Variants in TGFBR3 observed in about 807,000 individuals in gnomAD.
TGFBR3 encodes the protein transforming growth factor beta receptor type 3.
A neutral mutation model predicts 87.9 loss-of-function variants in TGFBR3; 46 were observed. The observed-to-expected ratio is 0.52, with a 90% CI of 0.41 to 0.67. TGFBR3 has a LOEUF of 0.67. Among genes scored for constraint, TGFBR3 ranks in the 30% least tolerant of loss-of-function variants. The probability of loss-of-function intolerance (pLI) is 0.00; values close to 1 mark genes in which losing one functional copy is unlikely to be tolerated. For missense variants in TGFBR3, 866 were observed against 1,041.9 expected (o/e 0.83, Z 2.32); for synonymous variants, 381 against 391.6 (o/e 0.97, Z 0.32).
At chr1:91,893,664 T>C (rs1679491533) in intron 2 of TGFBR3, among the ~76,000 whole-genome samples, 1 of 151,650 alleles carries the variant, frequency 6.6e-6, no homozygotes, top group Admixed American at 6.6e-5. Flanking sequence ...TTAGTGACAA[T>C]CTTAAAAAGC....
intron 4 of TGFBR3, among the ~76,000 whole-genome samples, chr1:91,752,758 C>T (rs962743844): frequency 3.3e-5 from 5 of 151,848 alleles, no homozygotes; most frequent in African/African-American, 4.8e-5. Flanking sequence ...CATAGTGGCT[C>T]ACACCTGTAA....
Position 91,886,002 on chromosome 1 carries a change from G to T in TGFBR3, c.-238C>A, listed in dbSNP as rs1180174638. On this transcript the variant is annotated 5_prime_UTR_variant, in exon 1 of 17. Coordinates refer to ENST00000212355, the MANE Select transcript of TGFBR3 (RefSeq NM_003243.5). Reference sequence around the variant, plus strand: ...AGCTGCTGCGCCGCGGCAAAACTACGCCATCCGGACCCGCTGGGGACTCTC... The same window carrying T: ...AGCTGCTGCGCCGCGGCAAAACTACTCCATCCGGACCCGCTGGGGACTCTC... 8.8e-6 allele frequency: 4 copies of T among 453,146 alleles called. No homozygotes were observed. Among genetic ancestry groups the T allele is most frequent in the Non-Finnish European group, 1.8e-5 (4 of 226,300 alleles). The allele number at this position is 453,146 out of a possible 1,614,324, so 28.1% of individuals were successfully genotyped here.
chr1:91,723,227 A>C (rs1431168236), intron 7 of TGFBR3, among the ~76,000 whole-genome samples: 1 of 152,148 alleles, frequency 6.6e-6, no homozygotes, highest in African/African-American at 2.4e-5. Flanking sequence ...CACACCTATA[A>C]TACTAGCATT....
intron 3 of TGFBR3, among the ~76,000 whole-genome samples, chr1:91,796,730 T>C (rs1196370912): frequency 6.6e-6 from 1 of 152,154 alleles, no homozygotes; most frequent in African/African-American, 2.4e-5. Flanking sequence ...TTATTATTAT[T>C]ATTTTTGAAA....
upstream of TGFBR3, among the ~76,000 whole-genome samples, chr1:91,886,537 T>A (rs370807077): frequency 1.4e-4 from 22 of 152,322 alleles, no homozygotes; most frequent in East Asian, 2.5e-3. Flanking sequence ...CGAGGTCCTT[T>A]GAACTTTCCA....
chr1:91,719,983 T>C lies in TGFBR3; in HGVS notation c.1323A>G (p.Pro441=), dbSNP rs1371592646. The change falls in exon 9 of 17, where the codon CCA becomes CCG. Residue 441 remains proline (P), a synonymous_variant. Transcript: ENST00000212355. The part of the protein sequence containing the change: ...SIQLFPGLRE[P]EEVQGSVDIA... ...TATCCACGCTCCCTTGCACCTCTTC[T>C]GGCTCTCTGAGACCAGGAAACAGTT... 4 of 1,614,204 alleles carry C rather than the reference T, an allele frequency of 2.5e-6. No individual in the cohort carries two copies. The highest frequency in any genetic ancestry group is 3.4e-6 in the Non-Finnish European group (4 of 1,180,022).
chr1:91,856,212 G>A (rs978907004), intron 2 of TGFBR3, among the ~76,000 whole-genome samples: 3 of 152,118 alleles, frequency 2.0e-5, no homozygotes, highest in East Asian at 3.9e-4. Flanking sequence ...ACAGGCGTCC[G>A]CCACCGCGCG....
At chr1:91,764,888 T>G (rs928341112) in intron 3 of TGFBR3, among the ~76,000 whole-genome samples, 1 of 152,080 alleles carries the variant, frequency 6.6e-6, no homozygotes, top group African/African-American at 2.4e-5. Context: ...CAGAGCTCTC[T>G]CAGACAGCAC....
intron 2 of TGFBR3, chr1:91,800,950 G>A (rs753436624): frequency 7.0e-5 from 14 of 200,252 alleles, no homozygotes; most frequent in African/African-American, 2.4e-4. Context: ...TGGGCTTGGT[G>A]GCGTGTACCT....
rs147037182 is a variant in TGFBR3 at position 91,709,335 on chromosome 1, C to T, written c.2167-552G>A. Among the ~76,000 whole-genome samples, 4 of 152,314 alleles carry T rather than the reference C, an allele frequency of 2.6e-5. 1 individual carries two copies. The highest frequency in any genetic ancestry group is 9.6e-5 in the African/African-American group (4 of 41,556). On this transcript the variant is annotated intron_variant, in intron 13 of 16. Coordinates refer to ENST00000212355, the MANE Select transcript of TGFBR3 (RefSeq NM_003243.5). ...TGCTCAGAACACTTACGTTAACCTA[C>T]AGCTGGAAAAATCATGTAACACAAA...
intron 4 of TGFBR3, among the ~76,000 whole-genome samples, chr1:91,735,352 G>C (rs1672929722): frequency 6.6e-6 from 1 of 152,216 alleles, no homozygotes; most frequent in African/African-American, 2.4e-5. Flanking sequence ...TCAGGATCAA[G>C]ACAAGTGATC....
chr1:91,751,211 A>G (rs754519499), intron 4 of TGFBR3, among the ~76,000 whole-genome samples: 1 of 152,238 alleles, frequency 6.6e-6, no homozygotes, highest in African/African-American at 2.4e-5. Flanking sequence ...GAAATTAGCA[A>G]AGAAAAAAAT....
At chr1:91,836,276 A>T (rs10874999) in intron 2 of TGFBR3, among the ~76,000 whole-genome samples, 40,935 of 151,894 alleles carry the variant, frequency 0.27, 5,932 homozygotes, top group African/African-American at 0.37. Context: ...AATAAATTTT[A>T]AAAAAAATTC....
chr1:91,842,886 A>G (rs924599184), intron 2 of TGFBR3, among the ~76,000 whole-genome samples: 1 of 152,142 alleles, frequency 6.6e-6, no homozygotes, highest in Admixed American at 6.5e-5. Flanking sequence ...TCAAATCTCC[A>G]AAACAAAACA....
rs574105260 is a variant in TGFBR3 at position 91,719,489 on chromosome 1, T to C, written c.1414-25A>G. ...CCTAAAACAACAACCACCAAAGACATGGTTGGAGGCCCACAGGCAGTTCTG... is the reference window on the plus strand; with the variant it reads ...CCTAAAACAACAACCACCAAAGACACGGTTGGAGGCCCACAGGCAGTTCTG... On this transcript the variant is annotated intron_variant, in intron 9 of 16. Coordinates refer to ENST00000212355, the MANE Select transcript of TGFBR3 (RefSeq NM_003243.5). The C allele has an allele frequency of 4.3e-6, 7 of 1,613,528 alleles. No homozygotes were observed. The East Asian group carries it at 8.9e-5, about 21-fold the overall frequency.
chr1:91,800,255 T>TACACACAC (rs67343577), intron 2 of TGFBR3, among the ~76,000 whole-genome samples: 22 of 89,328 alleles, frequency 2.5e-4, no homozygotes, highest in Non-Finnish European at 4.9e-4. Flanking sequence ...TATATATATA[T>TACACACAC]ACACACACAC....
chr1:91,836,854 A>G (rs756243261), intron 2 of TGFBR3, among the ~76,000 whole-genome samples: 65 of 152,316 alleles, frequency 4.3e-4, no homozygotes, highest in Non-Finnish European at 7.3e-4. Flanking sequence ...ATTTCTGCTA[A>G]ATATCAGAGA....
intron 13 of TGFBR3, 111 bp downstream of exon 13, chr1:91,712,132 T>C (rs761075680): frequency 4.4e-6 from 4 of 913,920 alleles, no homozygotes; most frequent in Middle Eastern, 3.2e-4. Flanking sequence ...AATATTTCAG[T>C]TGGGCAGTTC....
intron 3 of TGFBR3, among the ~76,000 whole-genome samples, chr1:91,762,676 T>G (rs1674014005): frequency 6.6e-6 from 1 of 152,188 alleles, no homozygotes; most frequent in African/African-American, 2.4e-5. Flanking sequence ...ATCTGCCACA[T>G]CCCTTATGTA....
Sources: allele counts gnomAD v4.1 joint callset (sites outside exome capture counted in the v4.1 genomes callset), GRCh38; gene constraint gnomAD v4.1.1; transcripts MANE v1.5; gene names NCBI Gene and HGNC (gene_info 2026-07-23, HGNC 2026-07-21).